CHRNA6: variants seen among roughly 807,000 people sequenced by gnomAD.
CHRNA6 encodes the protein neuronal acetylcholine receptor subunit alpha-6.
Under a neutral mutation model 40.9 loss-of-function variants are expected in CHRNA6, and 31 were observed. The ratio of observed to expected loss-of-function variants is 0.76; its 90% CI spans 0.57 to 1.02. The LOEUF is 1.02. Among genes scored for constraint, CHRNA6 ranks in the 50% least tolerant of loss-of-function variants. The probability of loss-of-function intolerance (pLI) is 0.00; values close to 1 mark genes in which losing one functional copy is unlikely to be tolerated. For synonymous variants in CHRNA6, 222 were observed against 221.3 expected, an observed-to-expected ratio of 1.00 and a Z score of -0.03; for missense variants, 546 against 596.6, an observed-to-expected ratio of 0.92 and a Z score of 0.88.
chr8:42,756,584 T>A lies in CHRNA6; in HGVS notation c.615A>T (p.Glu205Asp). 2 of 1,614,150 alleles carry A rather than the reference T, an allele frequency of 1.2e-6. No homozygotes were observed. Among genetic ancestry groups the A allele is most frequent in the African/African-American group, 2.7e-5 (2 of 75,058 alleles). Residue 205 changes from glutamate to aspartate, a missense_variant, in exon 5 of 6, where the codon GAA (glutamate) becomes GAT (aspartate). Physicochemically the swap from Glu to Asp is conservative, Grantham distance 45. This residue lies in a region of CHRNA6 where 476 missense variants were observed against 494.5 expected (regional missense o/e 0.96). Coordinates refer to ENST00000276410, the MANE Select transcript of CHRNA6 (RefSeq NM_004198.3). ...AGCCAGAGGCATCAATGATTTCCCA[T>A]TCACTGTTTTCCCAAAAATCATTCA... ...VDMNDFWENS[E>D]WEIIDASGYK...
intron 3 of CHRNA6, among the ~76,000 whole-genome samples, chr8:42,758,768 C>T (rs909033619): frequency 2.6e-5 from 4 of 152,154 alleles, no homozygotes; most frequent in African/African-American, 9.7e-5. Flanking sequence ...CCTGGTCAAG[C>T]AGGGATCAAA....
Position 42,755,852 on chromosome 8 carries a change from G to T in CHRNA6, c.1347C>A (p.Thr449=), listed in dbSNP as rs200548432. 13 of 1,612,826 alleles carry T rather than the reference G, an allele frequency of 8.1e-6. No homozygotes were observed. Among genetic ancestry groups the T allele is most frequent in the Admixed American group, 5.0e-5 (3 of 59,942 alleles). ...IAENMKSHNE[T]KEVEDDWKYV... ...GGAGGGAACACACATTTACCTCCTTGGTTTCATTGTGGCTCTTCATGTTTT... is the reference window on the plus strand; with the variant it reads ...GGAGGGAACACACATTTACCTCCTTTGTTTCATTGTGGCTCTTCATGTTTT... The change falls in exon 5 of 6, where the codon ACC becomes ACA. Residue 449 remains threonine (T), a synonymous_variant. Transcript: ENST00000276410.
chr8:42,766,127 CT>C (rs1563627312), intron 1 of CHRNA6, among the ~76,000 whole-genome samples: 3 of 152,286 alleles, frequency 2.0e-5, no homozygotes, highest in Admixed American at 6.5e-5. Flanking sequence ...CGTATGTTCA[CT>C]GCAGCACTAT....
In CHRNA6 at chr8:42,752,878, G is replaced by T; in HGVS notation, c.*301C>A. 4.0e-6 allele frequency: 1 copy of T among 248,584 alleles called. No homozygotes were observed. The highest frequency in any genetic ancestry group is 7.6e-6 in the Non-Finnish European group (1 of 130,782). The allele number at this position is 248,584 out of a possible 1,614,324, so 15.4% of individuals were successfully genotyped here. A position where few individuals can be genotyped will look rare whatever the true frequency, so the allele number is the denominator to read the frequency against. ...GTTAATTACATAATTAGGCTGTATT[G>T]TAAGTCATTCTTGTCTTTAGAAGCC... On this transcript the variant is annotated 3_prime_UTR_variant, in exon 6 of 6. Coordinates refer to ENST00000276410, the MANE Select transcript of CHRNA6 (RefSeq NM_004198.3).
intron 5 of CHRNA6, among the ~76,000 whole-genome samples, chr8:42,754,947 C>T (rs551803145): frequency 7.9e-5 from 12 of 152,246 alleles, no homozygotes; most frequent in African/African-American, 2.4e-4. Flanking sequence ...CCAGCACCCC[C>T]AGGCTGCACG....
chr8:42,764,747 A>C (rs1282748087), intron 2 of CHRNA6, among the ~76,000 whole-genome samples: 1 of 152,194 alleles, frequency 6.6e-6, no homozygotes, highest in Non-Finnish European at 1.5e-5. Flanking sequence ...CCATTTCCTC[A>C]GCAGTGAGAT....
chr8:42,763,001 G>A (rs1240345209), intron 2 of CHRNA6, among the ~76,000 whole-genome samples: 3 of 152,230 alleles, frequency 2.0e-5, no homozygotes, highest in African/African-American at 7.2e-5. Flanking sequence ...GCAGCTGGAG[G>A]TAGTCAATGA....
rs201566938 is a variant in CHRNA6, at chr8:42,755,850, T to C, written c.1349A>G (p.Lys450Arg). ...GTGGAGGGAACACACATTTACCTCC[T>C]TGGTTTCATTGTGGCTCTTCATGTT... ...AENMKSHNETKEVEDDWKYVA... is the reference protein window; with the variant it reads ...AENMKSHNETREVEDDWKYVA... The change falls in exon 5 of 6, where the codon AAG becomes AGG. Residue 450 changes from lysine (K) to arginine (R), a missense_variant. By Grantham distance (26) the Lys-to-Arg change is conservative. This residue lies in a region of CHRNA6 where 65 missense variants were observed against 83.8 expected (regional missense o/e 0.78). Transcript: ENST00000276410. 4 of 1,612,680 alleles carry C rather than the reference T, an allele frequency of 2.5e-6. No individual in the cohort carries two copies. The Admixed American group carries it at 5.0e-5, about 20-fold the overall frequency.
chr8:42,755,817 C>A (rs367997703), intron 5 of CHRNA6, 29 bp downstream of exon 5: 1 of 1,593,458 alleles, frequency 6.3e-7, no homozygotes, highest in Admixed American at 1.7e-5. Context: ...AGGGTGCAAG[C>A]TGGCTGGGTG....
At position 42,756,286 on chromosome 8, in the gene CHRNA6, CA is replaced by C. The variant is rs775696869; in HGVS notation, c.912del (p.Glu305SerfsTer7). On this transcript the variant is annotated frameshift_variant, in exon 5 of 6. Coordinates refer to ENST00000276410, the MANE Select transcript of CHRNA6 (RefSeq NM_004198.3). LOFTEE classifies it high-confidence loss of function. ...AAGATCATGGTGAACAGCAGGTACT[CA>C]CCCACCAGTGGGACCACCAGAGATG... ...PSTSLVVPLV[G>X]EYLLFTMIFV... 6.2e-7 allele frequency: 1 copy of C among 1,614,228 alleles called. No homozygotes were observed. Among genetic ancestry groups the C allele is most frequent in the Non-Finnish European group, 8.5e-7 (1 of 1,180,032 alleles).
At position 42,756,241 on chromosome 8, in the gene CHRNA6, C is replaced by T; in HGVS notation, c.958G>A (p.Val320Met). Residue 320 changes from valine to methionine, a missense_variant, in exon 5 of 6, where the codon GTG becomes ATG. By Grantham distance (21) the Val-to-Met change is conservative. Transcript: ENST00000276410. ...TMIFVTLSIV[V>M]TVFVLNIHYR... is the part of the protein sequence containing the mutation. ...TGTATGTTCAACACAAACACAGTCA[C>T]CACGATGGACAGTGTGACAAAGATC... 6.2e-7 allele frequency: 1 copy of T among 1,614,208 alleles called. No homozygotes were observed. The highest frequency in any genetic ancestry group is 1.1e-5 in the South Asian group (1 of 91,084).
chr8:42,765,331 G>T, intron 1 of CHRNA6, 127 bp from the exon 2 acceptor site: 1 of 981,294 alleles, frequency 1.0e-6, no homozygotes, highest in Non-Finnish European at 1.5e-6. Context: ...TCCTGGTATT[G>T]TTACCACCTG....
chr8:42,758,566 G>A (rs146434529), intron 3 of CHRNA6, among the ~76,000 whole-genome samples: 43 of 152,192 alleles, frequency 2.8e-4, no homozygotes, highest in Admixed American at 1.4e-3. Flanking sequence ...ATTTCACCAT[G>A]TTGGCCAAGT....
chr8:42,760,182 A>G (rs892275229), intron 2 of CHRNA6, among the ~76,000 whole-genome samples: 1 of 152,160 alleles, frequency 6.6e-6, no homozygotes. Context: ...GAGGGATGGA[A>G]TGGTCCATGT....
Position 42,759,052 on chromosome 8 carries a change from A to ATGAT in CHRNA6, c.264+13_264+16dup. On this transcript the variant is annotated intron_variant, in intron 3 of 5. Coordinates refer to ENST00000276410, the MANE Select transcript of CHRNA6 (RefSeq NM_004198.3). ...CCATTCAACATCATTAAGCCAACACATGATATAGGCACATACGTGACGCAG... is the reference window on the plus strand; with the variant it reads ...CCATTCAACATCATTAAGCCAACACATGATTGATATAGGCACATACGTGACGCAG... 6.2e-7 allele frequency: 1 copy of ATGAT among 1,601,712 alleles called. No individual in the cohort carries two copies. Among genetic ancestry groups the ATGAT allele is most frequent in the South Asian group, 1.1e-5 (1 of 90,842 alleles).
rs369587133 is a variant in CHRNA6, at chr8:42,767,190, A to G, written c.79+1162T>C. Among the ~76,000 whole-genome samples the G allele has an allele frequency of 5.0e-3, 760 of 152,292 alleles. 11 individuals are homozygous for G. Among genetic ancestry groups the G allele is most frequent in the African/African-American group, 0.017 (727 of 41,580 alleles). On this transcript the variant is annotated intron_variant, in intron 1 of 5. Transcript: ENST00000276410. ...CACCGTGTTAGCCAGGATGGTCTCC[A>G]TCTCCTGACCTTGTGATCCGCCTGC...
chr8:42,758,767 G>A (rs562210317), intron 3 of CHRNA6, among the ~76,000 whole-genome samples: 24 of 152,286 alleles, frequency 1.6e-4, no homozygotes, highest in Non-Finnish European at 3.1e-4. Context: ...GCCTGGTCAA[G>A]CAGGGATCAA....
rs1263276825 is a variant in CHRNA6, at chr8:42,768,750, G to A, written c.-320C>T. 5 of 238,308 alleles carry A rather than the reference G, an allele frequency of 2.1e-5. No homozygotes were observed. The East Asian group carries it at 3.3e-4, about 16-fold the overall frequency. The allele number at this position is 238,308 out of a possible 1,614,324, so 14.8% of individuals were successfully genotyped here. ...GAAATGCTGGGGCAGACAGGACCCC[G>A]GGAGGATGAACACCTGTGAGTGGCT... On this transcript the variant is annotated 5_prime_UTR_variant, in exon 1 of 6. Transcript: ENST00000276410.
chr8:42,754,823 G>A (rs1227329592), intron 5 of CHRNA6, among the ~76,000 whole-genome samples: 3 of 152,110 alleles, frequency 2.0e-5, no homozygotes, highest in East Asian at 1.9e-4. Flanking sequence ...AACAGAGTAC[G>A]TGAACGCTAA....
Sources: allele counts gnomAD v4.1 joint callset (sites outside exome capture counted in the v4.1 genomes callset), GRCh38; gene constraint gnomAD v4.1.1; regional missense constraint gnomAD v4.1.1; transcripts MANE v1.5; gene names NCBI Gene and HGNC (gene_info 2026-07-23, HGNC 2026-07-21).